Variants in SLC36A1 observed in about 807,000 individuals in gnomAD.
SLC36A1 encodes the protein proton-coupled amino acid transporter 1.
Under a neutral mutation model 47.5 loss-of-function variants are expected in SLC36A1, and 30 were observed. The observed-to-expected ratio is 0.63, with a 90% CI of 0.47 to 0.86. The LOEUF is 0.86. Ranked by LOEUF, SLC36A1 falls within the 40% of genes least tolerant of loss-of-function variation. The pLI is 0.00. For missense variants in SLC36A1, 517 were observed against 606.0 expected, an observed-to-expected ratio of 0.85 and a Z score of 1.54; for synonymous variants, 255 against 249.7, an observed-to-expected ratio of 1.02 and a Z score of -0.20.
chr5:151,462,152 C>T (rs1223711199), intron 2 of SLC36A1, among the ~76,000 whole-genome samples: 1 of 152,122 alleles, frequency 6.6e-6, no homozygotes, highest in Non-Finnish European at 1.5e-5. Flanking sequence ...AAAAAACCAA[C>T]TTGTATCCAG....
At chr5:151,389,134 A>G in the SLC36A1 span, among the ~76,000 whole-genome samples, 158 of 152,228 alleles carry the variant, frequency 1.0e-3, 1 homozygote, top group African/African-American at 3.6e-3. Context: ...CGGTGGTTCT[A>G]ACTGTCTGGC....
chr5:151,367,347 C>A, the SLC36A1 span, among the ~76,000 whole-genome samples: 16 of 108,118 alleles, frequency 1.5e-4, no homozygotes, highest in Non-Finnish European at 2.3e-4. Flanking sequence ...TTATAGACCT[C>A]CCCCCAGGAA....
the SLC36A1 span, chr5:151,529,375 C>T: frequency 9.9e-6 from 16 of 1,613,792 alleles, no homozygotes; most frequent in Middle Eastern, 1.7e-4. Context: ...TCCAGGCTTG[C>T]GTTGACATAC....
the SLC36A1 span, among the ~76,000 whole-genome samples, chr5:151,527,043 A>G: frequency 5.9e-5 from 9 of 152,356 alleles, no homozygotes; most frequent in South Asian, 2.1e-4. Flanking sequence ...AATGGATATG[A>G]AAGTGCCTAA....
the SLC36A1 span, chr5:151,505,483 C>G: frequency 2.0e-4 from 317 of 1,549,516 alleles, 2 homozygotes; most frequent in Middle Eastern, 1.7e-3. Context: ...CAGCCACACT[C>G]AACTCACCCC....
chr5:151,487,654 G>A (rs1364542351), intron 10 of SLC36A1, among the ~76,000 whole-genome samples: 1 of 152,044 alleles, frequency 6.6e-6, no homozygotes, highest in South Asian at 2.1e-4. Flanking sequence ...TCCCTCCTTG[G>A]GTAGAAACCA....
chr5:151,347,002 C>T, the SLC36A1 span, among the ~76,000 whole-genome samples: 1 of 152,176 alleles, frequency 6.6e-6, no homozygotes, highest in African/African-American at 2.4e-5. Context: ...GGCTTTAGGG[C>T]CAGCACTGAA....
rs555693703 is a variant in SLC36A1, at chr5:151,479,424, G to A, written c.1094G>A (p.Arg365Gln). ...ATCATCATCCCCTTCTTTGTGTCCC[G>A]AGCGCCCGAGCACTGTGAGTTAGTG... ...AEIIIPFFVS[R>Q]APEHCELVVD... Residue 365 changes from arginine (R) to glutamine (Q), a missense_variant, in exon 10 of 11, where the codon CGA becomes CAA. Physicochemically the swap from Arg to Gln is conservative, Grantham distance 43 (BLOSUM62 1). Transcript: ENST00000243389. 4.4e-5 allele frequency: 71 copies of A among 1,614,152 alleles called. No homozygotes were observed. Among genetic ancestry groups the A allele is most frequent in the Non-Finnish European group, 5.4e-5 (64 of 1,180,012 alleles).
chr5:151,530,419 A>G, the SLC36A1 span, among the ~76,000 whole-genome samples: 5 of 152,244 alleles, frequency 3.3e-5, no homozygotes, highest in Admixed American at 6.5e-5. Context: ...GGGATATGCT[A>G]TATGACACTA....
chr5:151,396,092 G>A, the SLC36A1 span, among the ~76,000 whole-genome samples: 4 of 151,858 alleles, frequency 2.6e-5, no homozygotes, highest in Non-Finnish European at 4.4e-5. Flanking sequence ...TTACAGGCGT[G>A]AGCCACTGTA....
the SLC36A1 span, chr5:151,546,210 T>C: frequency 1.9e-6 from 3 of 1,614,114 alleles, no homozygotes; most frequent in East Asian, 2.2e-5. Context: ...GGTCATGCCA[T>C]TGTGGGGAGC....
chr5:151,373,452 T>C, the SLC36A1 span, among the ~76,000 whole-genome samples: 1 of 152,156 alleles, frequency 6.6e-6, no homozygotes. Flanking sequence ...ATTAAAGTTA[T>C]CAGAAATTAT....
chr5:151,515,195 G>A, the SLC36A1 span, among the ~76,000 whole-genome samples: 1 of 152,090 alleles, frequency 6.6e-6, no homozygotes, highest in Admixed American at 6.5e-5. Context: ...TTCTTGATAC[G>A]TGTTCTTCAC....
chr5:151,510,102 G>A, the SLC36A1 span: 21 of 1,614,086 alleles, frequency 1.3e-5, no homozygotes, highest in Non-Finnish European at 1.8e-5. Context: ...CAGGCAGGGT[G>A]CAAAAGTACA....
the SLC36A1 span, among the ~76,000 whole-genome samples, chr5:151,344,744 G>C: frequency 1.3e-5 from 2 of 152,130 alleles, no homozygotes. Context: ...CGTAAGTAAA[G>C]AAACAACCCC....
chr5:151,532,076 A>G, the SLC36A1 span: 1 of 1,442,300 alleles, frequency 6.9e-7, no homozygotes, highest in East Asian at 2.3e-5. Context: ...GCTCCCATGA[A>G]GGCGGACAAG....
chr5:151,358,313 A>C, the SLC36A1 span, among the ~76,000 whole-genome samples: 1 of 151,588 alleles, frequency 6.6e-6, no homozygotes, highest in Non-Finnish European at 1.5e-5. Flanking sequence ...CTATTCTGTC[A>C]CCCAGGTTGT....
chr5:151,525,949 C>T, the SLC36A1 span: 1 of 1,614,130 alleles, frequency 6.2e-7, no homozygotes, highest in South Asian at 1.1e-5. Flanking sequence ...GACTTTGCTG[C>T]CAATGGGGGA....
the SLC36A1 span, among the ~76,000 whole-genome samples, chr5:151,358,665 G>A: frequency 6.6e-6 from 1 of 152,156 alleles, no homozygotes; most frequent in African/African-American, 2.4e-5. Flanking sequence ...ACAACCGCCT[G>A]GGAAGCTGGT....
Sources: gnomAD v4.1 joint callset for allele counts (sites outside exome capture counted in the v4.1 genomes callset) on GRCh38, gnomAD v4.1.1 for gene constraint, MANE v1.5 for transcripts, NCBI Gene and HGNC (gene_info 2026-07-23, HGNC 2026-07-21) for gene names.